ATP11B: variants seen among roughly 807,000 people sequenced by gnomAD.
The protein encoded by ATP11B is phospholipid-transporting ATPase IF.
A neutral mutation model predicts 157.8 loss-of-function variants in ATP11B; 81 were observed. That is an observed-to-expected ratio of 0.51 (90% CI 0.43 to 0.62). ATP11B has a LOEUF of 0.62. ATP11B is among the 20% of genes least tolerant of loss of function. The pLI is 0.00. For missense variants in ATP11B, 1,165 were observed against 1,402.2 expected (o/e 0.83, Z 2.70); for synonymous variants, 451 against 469.4 (o/e 0.96, Z 0.51).
At chr3:182,842,047 T>A in intron 7 of ATP11B, 28 bp from the exon 8 acceptor site, 2 of 1,530,618 alleles carry the variant, frequency 1.3e-6, no homozygotes, top group Non-Finnish European at 1.8e-6. Flanking sequence ...TGATATTATA[T>A]GTTTTTGTAA....
intron 1 of ATP11B, among the ~76,000 whole-genome samples, chr3:182,806,824 C>G (rs762781410): frequency 6.6e-6 from 1 of 151,994 alleles, no homozygotes; most frequent in African/African-American, 2.4e-5. Context: ...AGGCTTCTTT[C>G]AAAGGTGGGA....
At chr3:182,862,289 A>G (rs546673753) in intron 12 of ATP11B, among the ~76,000 whole-genome samples, 70 of 152,192 alleles carry the variant, frequency 4.6e-4, no homozygotes, top group Non-Finnish European at 9.6e-4. Context: ...TAAAAAAAAA[A>G]AACAAAAAAA....
chr3:182,899,908 A>T (rs1723836054), intron 28 of ATP11B, among the ~76,000 whole-genome samples: 1 of 152,202 alleles, frequency 6.6e-6, no homozygotes, highest in African/African-American at 2.4e-5. Context: ...TACTCTAAAA[A>T]ATATATTCTA....
intron 1 of ATP11B, among the ~76,000 whole-genome samples, chr3:182,817,460 T>C (rs577541732): frequency 2.6e-5 from 4 of 152,170 alleles, no homozygotes; most frequent in Non-Finnish European, 4.4e-5. Flanking sequence ...TTTTAATTTT[T>C]AGTAGAGACG....
chr3:182,845,273 C>T (rs560336305), intron 8 of ATP11B, among the ~76,000 whole-genome samples, 185 bp from the exon 9 acceptor site: 2 of 152,294 alleles, frequency 1.3e-5, no homozygotes, highest in East Asian at 3.9e-4. Context: ...TCCCAAAGTG[C>T]TAGCATTACA....
In ATP11B at chr3:182,898,611, T is replaced by A; in HGVS notation, c.3157T>A (p.Phe1053Ile). ...SLFYGGILWPFLGSQNMYFVF... is the reference protein window; with the variant it reads ...SLFYGGILWPILGSQNMYFVF... ...GCACATTTTCTTTCTTTGCAGGCCA[T>A]TTTTGGGCTCCCAGAATATGTATTT... Residue 1053 changes from phenylalanine (F) to isoleucine (I), a missense_variant, in exon 28 of 30, where the codon TTT (phenylalanine) becomes ATT (isoleucine). Phe to Ile is a conservative substitution (Grantham distance 21). Around this residue, in one of 4 missense-constraint regions of ATP11B, gnomAD observed 303 missense variants for 296.3 expected, o/e 1.02. Coordinates refer to ENST00000323116, the MANE Select transcript of ATP11B (RefSeq NM_014616.3). The A allele has an allele frequency of 1.3e-6, 2 of 1,589,552 alleles. No homozygotes were observed. The highest frequency in any genetic ancestry group is 1.7e-6 in the Non-Finnish European group (2 of 1,169,490).
chr3:182,913,868 A>T lies in ATP11B; in HGVS notation c.3326A>T (p.Glu1109Val). 6.2e-7 allele frequency: 1 copy of T among 1,614,134 alleles called. No homozygotes were observed. Among genetic ancestry groups the T allele is most frequent in the Non-Finnish European group, 8.5e-7 (1 of 1,179,958 alleles). ...PTSTEKAQLT[E>V]TNAGIKCLDS... ...CTGCTTCACCTCCCGCAGCTTACTG[A>T]AACAAATGCAGGTATCAAGTGCTTG... The change falls in exon 29 of 30, where the codon GAA (glutamate) becomes GTA (valine). Residue 1109 changes from glutamate to valine, a missense_variant. By Grantham distance (121) the Glu-to-Val change is moderately radical (BLOSUM62 -2). Transcript: ENST00000323116.
chr3:182,837,237 C>A, intron 7 of ATP11B, 63 bp downstream of exon 7: 2 of 1,185,410 alleles, frequency 1.7e-6, no homozygotes, highest in South Asian at 1.5e-5. Context: ...TTTTAAATAA[C>A]CATAAACATA....
chr3:182,845,632 G>T (rs1719453901), intron 9 of ATP11B, 110 bp downstream of exon 9: 1 of 696,606 alleles, frequency 1.4e-6, no homozygotes, highest in Admixed American at 4.1e-5. Flanking sequence ...TTAATTATTT[G>T]TCATTTATGA....
At chr3:182,917,905 T>C in intron 29 of ATP11B, 118 bp from the exon 30 acceptor site, 1 of 1,421,804 alleles carries the variant, frequency 7.0e-7, no homozygotes, top group Non-Finnish European at 9.2e-7. Flanking sequence ...AACCTCTCTT[T>C]AGTATTTAAA....
intron 29 of ATP11B, chr3:182,914,501 C>A (rs1710634053): frequency 1.0e-6 from 1 of 985,166 alleles, no homozygotes; most frequent in South Asian, 4.7e-5. Flanking sequence ...TATTTCTGCT[C>A]CCCTACCTCT....
chr3:182,900,602 G>GA (rs113269324), intron 28 of ATP11B, among the ~76,000 whole-genome samples: 18,228 of 150,360 alleles, frequency 0.12, 1,228 homozygotes, highest in African/African-American at 0.18. Flanking sequence ...CTAATCTTCT[G>GA]AAAAAAAAAT....
At chr3:182,853,733 G>A (rs954219663) in intron 10 of ATP11B, among the ~76,000 whole-genome samples, 1 of 152,160 alleles carries the variant, frequency 6.6e-6, no homozygotes, top group African/African-American at 2.4e-5. Context: ...GTCAGTTACT[G>A]TGTAGATTCC....
At chr3:182,894,375 A>G (rs1723377943) in intron 25 of ATP11B, among the ~76,000 whole-genome samples, 1 of 152,110 alleles carries the variant, frequency 6.6e-6, no homozygotes, top group African/African-American at 2.4e-5. Context: ...TAGTAGAGAC[A>G]GGGTTTCTCT....
chr3:182,885,738 C>A (rs931151657), intron 22 of ATP11B, among the ~76,000 whole-genome samples: 1 of 151,972 alleles, frequency 6.6e-6, no homozygotes, highest in South Asian at 2.1e-4. Flanking sequence ...TTTTTTCATT[C>A]TGATGTCTGC....
chr3:182,911,684 T>A (rs184540851), intron 28 of ATP11B, among the ~76,000 whole-genome samples: 2 of 149,048 alleles, frequency 1.3e-5, no homozygotes, highest in East Asian at 3.9e-4. Context: ...TTGTCCTCTC[T>A]CCCACCTTCT....
chr3:182,822,774 C>T (rs1576972985), intron 2 of ATP11B, among the ~76,000 whole-genome samples: 1 of 152,204 alleles, frequency 6.6e-6, no homozygotes, highest in East Asian at 1.9e-4. Context: ...TCCTCTCCAG[C>T]ACCTGTTGTT....
intron 1 of ATP11B, among the ~76,000 whole-genome samples, chr3:182,805,396 T>G (rs989028152): frequency 6.6e-6 from 1 of 152,186 alleles, no homozygotes; most frequent in African/African-American, 2.4e-5. Context: ...ATTTTTTTTA[T>G]GTACCTGTTG....
chr3:182,863,969 C>G (rs1484855095), intron 12 of ATP11B, among the ~76,000 whole-genome samples: 1 of 151,906 alleles, frequency 6.6e-6, no homozygotes, highest in Admixed American at 6.6e-5. Flanking sequence ...GCTATAAATA[C>G]TGGGCAACAT....
Sources: gnomAD v4.1 joint callset for allele counts (sites outside exome capture counted in the v4.1 genomes callset) on GRCh38, gnomAD v4.1.1 for gene constraint, gnomAD v4.1.1 regional missense constraint, MANE v1.5 for transcripts, NCBI Gene and HGNC (gene_info 2026-07-23, HGNC 2026-07-21) for gene names.